Variants in ANKS1B observed in about 807,000 individuals in gnomAD.
ANKS1B encodes the protein ankyrin repeat and sterile alpha motif domain containing 1B.
ANKS1B carries 36 observed loss-of-function variants against 148.3 expected under a neutral mutation model. The ratio of observed to expected loss-of-function variants is 0.24; its 90% CI spans 0.19 to 0.32. The LOEUF (loss-of-function observed/expected upper bound fraction) is 0.32. ANKS1B is among the 10% of genes least tolerant of loss of function. The pLI is 1.00. For missense variants in ANKS1B, 1,157 were observed against 1,542.6 expected (o/e 0.75, Z 4.19); for synonymous variants, 542 against 560.8 (o/e 0.97, Z 0.47).
At chr12:99,843,871 A>G (rs1216875184) in intron 1 of ANKS1B, among the ~76,000 whole-genome samples, 1 of 152,114 alleles carries the variant, frequency 6.6e-6, no homozygotes. Flanking sequence ...CACCCCCACC[A>G]GCAGTGTAAA....
At chr12:98,746,220 C>T (rs371291479) in intron 26 of ANKS1B, among the ~76,000 whole-genome samples, 1 of 152,194 alleles carries the variant, frequency 6.6e-6, no homozygotes, top group East Asian at 1.9e-4. Flanking sequence ...ATGCCACTCC[C>T]CGGCTCTCAC....
intron 15 of ANKS1B, among the ~76,000 whole-genome samples, chr12:99,131,862 G>A (rs1388539696): frequency 3.9e-5 from 6 of 152,216 alleles, no homozygotes; most frequent in Admixed American, 3.9e-4. Context: ...TGGGAAAGAT[G>A]CAGCTGCTAA....
chr12:99,128,305 C>T (rs1454765930), intron 15 of ANKS1B, among the ~76,000 whole-genome samples: 2 of 152,170 alleles, frequency 1.3e-5, no homozygotes, highest in African/African-American at 4.8e-5. Flanking sequence ...CTAGTTCAAA[C>T]TCTGACCTTC....
chr12:98,942,218 G>T (rs11109678), intron 17 of ANKS1B, among the ~76,000 whole-genome samples: 9,449 of 148,944 alleles, frequency 0.063, 486 homozygotes, highest in Admixed American at 0.16. Context: ...TCCAGCCTGG[G>T]TGACAGAGTG....
At chr12:99,674,180 A>G (rs2098551094) in intron 8 of ANKS1B, among the ~76,000 whole-genome samples, 1 of 151,886 alleles carries the variant, frequency 6.6e-6, no homozygotes, top group Admixed American at 6.6e-5. Context: ...GAGAAAGCTG[A>G]ACTTTTCAAA....
intron 10 of ANKS1B, among the ~76,000 whole-genome samples, chr12:99,446,603 G>A (rs549152767): frequency 2.0e-5 from 3 of 152,170 alleles, no homozygotes; most frequent in African/African-American, 7.2e-5. Flanking sequence ...CCTTCTGAGA[G>A]TTAGCATGTC....
chr12:99,545,476 T>A (rs567169858), intron 9 of ANKS1B, among the ~76,000 whole-genome samples: 1 of 152,220 alleles, frequency 6.6e-6, no homozygotes, highest in East Asian at 1.9e-4. Flanking sequence ...TGGGTTTTGT[T>A]TGTTTGTTTA....
intron 9 of ANKS1B, among the ~76,000 whole-genome samples, chr12:99,630,748 C>T (rs995740584): frequency 1.3e-5 from 2 of 152,180 alleles, no homozygotes; most frequent in African/African-American, 4.8e-5. Context: ...AGGAGCAAGA[C>T]TCACTGTGTG....
chr12:99,241,075 C>CA (rs1189416456), intron 14 of ANKS1B, among the ~76,000 whole-genome samples: 3 of 151,940 alleles, frequency 2.0e-5, no homozygotes, highest in South Asian at 2.1e-4. Flanking sequence ...GATAGAGACA[C>CA]AAAAAATCCT....
rs1390556244 is a variant in ANKS1B at position 98,751,744 on chromosome 12, T to C, written c.3580-222A>G. Among the ~76,000 whole-genome samples the C allele has an allele frequency of 6.6e-6, 1 of 152,174 alleles. No individual in the cohort carries two copies. Among genetic ancestry groups the C allele is most frequent in the African/African-American group, 2.4e-5 (1 of 41,428 alleles). On this transcript the variant is annotated intron_variant, in intron 25 of 26. Transcript: ENST00000683438. This position sits in a 1 kb window ranked among gnomAD's most constrained non-coding sequence, Gnocchi z 4.3. ...TTGTGAAAAGAAAAATCTTGGGACC[T>C]CAAATCACTAAGACAAACGAAAAAG...
intron 17 of ANKS1B, among the ~76,000 whole-genome samples, chr12:99,006,441 A>G (rs1000045350): frequency 1.5e-4 from 23 of 152,228 alleles, no homozygotes; most frequent in African/African-American, 5.5e-4. Context: ...AATATGCACA[A>G]GAGACTTATT....
chr12:99,026,383 G>A (rs557816330), intron 17 of ANKS1B, among the ~76,000 whole-genome samples: 1 of 152,048 alleles, frequency 6.6e-6, no homozygotes, highest in Admixed American at 6.6e-5. Flanking sequence ...GTTTCTCTAG[G>A]TTCTAGACTC....
At chr12:99,342,588 G>A (rs1200183798) in intron 12 of ANKS1B, among the ~76,000 whole-genome samples, 1 of 151,982 alleles carries the variant, frequency 6.6e-6, no homozygotes, top group Non-Finnish European at 1.5e-5. Context: ...GATTCCAAAA[G>A]AGGCAGTATA....
intron 12 of ANKS1B, among the ~76,000 whole-genome samples, chr12:99,363,814 C>A (rs1435512856): frequency 2.0e-5 from 3 of 152,102 alleles, no homozygotes; most frequent in Non-Finnish European, 2.9e-5. Context: ...ATCACCATAA[C>A]CCATACCAGA....
intron 17 of ANKS1B, among the ~76,000 whole-genome samples, chr12:98,872,264 C>T (rs1595935440): frequency 6.6e-6 from 1 of 152,152 alleles, no homozygotes; most frequent in Non-Finnish European, 1.5e-5. Context: ...AATGGCTGGG[C>T]ATGGTAGCTC....
chr12:99,058,813 C>A (rs1055332366), intron 16 of ANKS1B, among the ~76,000 whole-genome samples: 22 of 143,200 alleles, frequency 1.5e-4, no homozygotes, highest in African/African-American at 4.9e-4. Flanking sequence ...TCTCGGCTCA[C>A]TGCAAGCTCC....
chr12:99,103,274 T>C (rs559086846), intron 15 of ANKS1B, among the ~76,000 whole-genome samples: 2 of 152,286 alleles, frequency 1.3e-5, no homozygotes, highest in East Asian at 3.9e-4. Context: ...TGGGGATTCC[T>C]ATAAAAACTC....
intron 12 of ANKS1B, among the ~76,000 whole-genome samples, chr12:99,351,707 T>A (rs1057202113): frequency 1.3e-5 from 2 of 152,036 alleles, no homozygotes. Flanking sequence ...ATTGGTGGCT[T>A]TATATTTATA....
rs116737942 is a variant in ANKS1B at position 99,609,570 on chromosome 12, A to G, written c.1272+45497T>C. Among the ~76,000 whole-genome samples the G allele has an allele frequency of 4.9e-3, 737 of 151,406 alleles. 6 individuals carry two copies. The highest frequency in any genetic ancestry group is 0.017 in the African/African-American group (710 of 41,112). ...AAGAAAAAAAAAAAAATCCCCTGAG[A>G]GCTGGCACGATAAAACAGAGAGCAT... On this transcript the variant is annotated intron_variant, in intron 9 of 26. Transcript: ENST00000683438.
Sources: gnomAD v4.1 joint callset for allele counts (sites outside exome capture counted in the v4.1 genomes callset) on GRCh38, gnomAD v4.1.1 for gene constraint, Gnocchi (gnomAD v3.1) non-coding constraint, MANE v1.5 for transcripts, NCBI Gene and HGNC (gene_info 2026-07-23, HGNC 2026-07-21) for gene names.